Variants in IMMP2L observed in about 807,000 individuals in gnomAD.
IMMP2L encodes mitochondrial inner membrane protease subunit 2.
In IMMP2L, 18 loss-of-function variants were observed where a neutral mutation model predicts 19.3. The ratio of observed to expected loss-of-function variants is 0.93; its 90% confidence interval spans 0.64 to 1.38. The LOEUF (loss-of-function observed/expected upper bound fraction) is 1.38, where lower values mean the gene tolerates loss of function less well. Ranked by LOEUF, IMMP2L falls within the 40% of genes most tolerant of loss-of-function variation. IMMP2L has a pLI of 0.00. For missense variants in IMMP2L, 233 were observed against 218.2 expected (o/e 1.07, Z -0.43); for synonymous variants, 76 against 73.0 (o/e 1.04, Z -0.21).
intron 3 of IMMP2L, among the ~76,000 whole-genome samples, chr7:111,190,117 T>C (rs1472759058): frequency 6.6e-6 from 1 of 152,148 alleles, no homozygotes; most frequent in East Asian, 1.9e-4. Context: ...TACCATTTTT[T>C]ACACTAAATT....
chr7:111,372,792 T>C (rs1245688632), intron 3 of IMMP2L, among the ~76,000 whole-genome samples: 1 of 152,060 alleles, frequency 6.6e-6, no homozygotes, highest in Admixed American at 6.6e-5. Flanking sequence ...AGTTTTGCAC[T>C]AGCAAAACAA....
chr7:111,438,092 A>G (rs992869858), intron 3 of IMMP2L, among the ~76,000 whole-genome samples: 1 of 151,882 alleles, frequency 6.6e-6, no homozygotes, highest in African/African-American at 2.4e-5. Context: ...CATGAAATCT[A>G]TAACAGCAAA....
At chr7:111,042,398 C>A (rs987522228) in intron 3 of IMMP2L, among the ~76,000 whole-genome samples, 1 of 152,166 alleles carries the variant, frequency 6.6e-6, no homozygotes, top group Admixed American at 6.5e-5. Context: ...CCAGACTGGT[C>A]TCAAACTCCT....
At chr7:110,908,122 T>A (rs1812665924) in intron 4 of IMMP2L, among the ~76,000 whole-genome samples, 1 of 152,146 alleles carries the variant, frequency 6.6e-6, no homozygotes, top group Admixed American at 6.6e-5. Context: ...GAGCAGGTAT[T>A]TCTAAGAAAT....
intron 3 of IMMP2L, among the ~76,000 whole-genome samples, chr7:111,332,819 C>G (rs1237114858): frequency 6.6e-6 from 1 of 151,934 alleles, no homozygotes; most frequent in African/African-American, 2.4e-5. Context: ...GAAATATTTT[C>G]TAACCAAAAT....
chr7:110,988,863 AG>A (rs752631128), intron 3 of IMMP2L, among the ~76,000 whole-genome samples: 1 of 152,144 alleles, frequency 6.6e-6, no homozygotes, highest in Non-Finnish European at 1.5e-5. Context: ...ACATAAATAT[AG>A]TATGTTCAAT....
chr7:111,448,032 A>G (rs1488587619), intron 3 of IMMP2L, among the ~76,000 whole-genome samples: 1 of 144,890 alleles, frequency 6.9e-6, no homozygotes, highest in Admixed American at 6.8e-5. Flanking sequence ...TATGCACCCA[A>G]TACAGGAGCA....
chr7:110,925,624 C>T (rs898415677), intron 4 of IMMP2L, among the ~76,000 whole-genome samples: 1 of 151,904 alleles, frequency 6.6e-6, no homozygotes, highest in Non-Finnish European at 1.5e-5. Flanking sequence ...AATGAAAGAA[C>T]ATTAAAAAGT....
In IMMP2L at chr7:111,539,218, GAAAGAA is replaced by G. The variant is rs1563331078; in HGVS notation, c.-2-17775_-2-17770del. Among the ~76,000 whole-genome samples the G allele has an allele frequency of 9.8e-5, 11 of 111,988 alleles. 1 individual carries two copies. Among genetic ancestry groups the G allele is most frequent in the East Asian group, 2.5e-4 (1 of 4,006 alleles). The allele number at this position is 111,988 out of a possible 152,430, so 73.5% of individuals were successfully genotyped here. A position where few individuals can be genotyped will look rare whatever the true frequency, so the allele number is the denominator to read the frequency against. On this transcript the variant is annotated intron_variant, in intron 1 of 5. Coordinates refer to ENST00000405709, the MANE Select transcript of IMMP2L (RefSeq NM_032549.4). ...AGGGAGAAAGAAAGAAAGAAAGAAA[GAAAGAA>G]AGAAAGAAAGAAAGAAAGAAAGAAA...
chr7:110,911,959 T>C (rs1329098690), intron 4 of IMMP2L, among the ~76,000 whole-genome samples: 4 of 151,978 alleles, frequency 2.6e-5, no homozygotes, highest in African/African-American at 9.7e-5. Context: ...GTAGAAGGAG[T>C]TCCTAGAGGA....
intron 3 of IMMP2L, among the ~76,000 whole-genome samples, chr7:111,189,152 A>AT (rs1163582604): frequency 1.3e-5 from 2 of 152,082 alleles, no homozygotes; most frequent in African/African-American, 4.8e-5. Flanking sequence ...TATACTTTTT[A>AT]TTGTGGCTAT....
intron 3 of IMMP2L, among the ~76,000 whole-genome samples, chr7:111,299,636 T>A (rs1239203712): frequency 6.6e-6 from 1 of 151,500 alleles, no homozygotes; most frequent in African/African-American, 2.4e-5. Flanking sequence ...GTGGATCTTT[T>A]GAAAAATAAA....
chr7:110,809,975 C>T (rs1161760479), intron 5 of IMMP2L, among the ~76,000 whole-genome samples: 5 of 152,014 alleles, frequency 3.3e-5, no homozygotes, highest in Non-Finnish European at 7.4e-5. Flanking sequence ...ATGAAAAACA[C>T]GAAAGACAAA....
chr7:111,455,451 C>A (rs184079895), intron 3 of IMMP2L, among the ~76,000 whole-genome samples: 232 of 152,182 alleles, frequency 1.5e-3, no homozygotes, highest in African/African-American at 4.5e-3. Flanking sequence ...GATCCACCTT[C>A]CATAAACAGG....
chr7:111,343,597 A>G (rs1314817371), intron 3 of IMMP2L, among the ~76,000 whole-genome samples: 2 of 152,090 alleles, frequency 1.3e-5, no homozygotes, highest in Admixed American at 6.6e-5. Flanking sequence ...CAAGAGAGGG[A>G]CCATTTCTCT....
Position 110,748,318 on chromosome 7 carries a change from C to T in IMMP2L, c.409-84597G>A, listed in dbSNP as rs190215714. Reference sequence around the variant, plus strand: ...AATCAATATCATCAAAATGGCCATACTGCCCTAAGTAATTTATAGATTTAA... The same window carrying T: ...AATCAATATCATCAAAATGGCCATATTGCCCTAAGTAATTTATAGATTTAA... On this transcript the variant is annotated intron_variant, in intron 5 of 5. Transcript: ENST00000405709. Among the ~76,000 whole-genome samples, 189 of 152,300 alleles carry T rather than the reference C, an allele frequency of 1.2e-3. 1 individual carries two copies. The highest frequency in any genetic ancestry group is 4.4e-3 in the African/African-American group (181 of 41,570).
chr7:111,411,463 C>T (rs150813662), intron 3 of IMMP2L: 2 of 500,464 alleles, frequency 4.0e-6, no homozygotes, highest in Admixed American at 2.0e-5. Context: ...TGTACCTGAA[C>T]GAAGTCACGG....
chr7:111,120,451 G>GC (rs1158944351), intron 3 of IMMP2L, among the ~76,000 whole-genome samples: 5 of 152,038 alleles, frequency 3.3e-5, no homozygotes, highest in African/African-American at 9.7e-5. Context: ...GGGGGAAACT[G>GC]CCCCCATGAT....
At chr7:111,243,364 T>G (rs1196862115) in intron 3 of IMMP2L, among the ~76,000 whole-genome samples, 4 of 152,132 alleles carry the variant, frequency 2.6e-5, no homozygotes, top group Non-Finnish European at 5.9e-5. Context: ...ACAGTACTAG[T>G]AAATTCCCAA....
Sources: gnomAD v4.1 joint callset for allele counts (sites outside exome capture counted in the v4.1 genomes callset) on GRCh38, gnomAD v4.1.1 for gene constraint, MANE v1.5 for transcripts, NCBI Gene and HGNC (gene_info 2026-07-23, HGNC 2026-07-21) for gene names.